MYO18B: variants seen among roughly 807,000 people sequenced by gnomAD.
MYO18B encodes myosin XVIIIB.
Under a neutral mutation model 273.0 loss-of-function variants are expected in MYO18B, and 204 were observed. The ratio of observed to expected loss-of-function variants is 0.75; its 90% CI spans 0.67 to 0.84. The LOEUF (loss-of-function observed/expected upper bound fraction) is 0.84, where lower values mean the gene tolerates loss of function less well. MYO18B is among the 40% of genes least tolerant of loss of function. The pLI, the probability that MYO18B is intolerant of heterozygous loss-of-function variation, is 0.00. For missense variants in MYO18B, 3,212 were observed against 3,287.6 expected (o/e 0.98, Z 0.56); for synonymous variants, 1,330 against 1,305.7 (o/e 1.02, Z -0.40).
the MYO18B span, among the ~76,000 whole-genome samples, chr22:26,050,066 A>C: frequency 8.4e-4 from 128 of 152,334 alleles, no homozygotes; most frequent in Non-Finnish European, 1.5e-3. Context: ...AGCACTATTT[A>C]TCTCTGGTAG....
intron 2 of MYO18B, among the ~76,000 whole-genome samples, chr22:25,761,347 C>T (rs112270883): frequency 1.3e-5 from 2 of 151,920 alleles, no homozygotes; most frequent in Non-Finnish European, 1.5e-5. Context: ...TTGACGCCCC[C>T]CCGAGGGCTG....
In MYO18B at chr22:25,784,801, C is replaced by T. The variant is rs2087309714; in HGVS notation, c.2313-627C>T. ...GGGTGGCCCATCTGCTGGTCTCACT[C>T]TCGAGGAACCTGCAGGTTGAACACG... On this transcript the variant is annotated intron_variant, in intron 10 of 43. Coordinates refer to ENST00000335473, the MANE Select transcript of MYO18B (RefSeq NM_032608.7). Among the ~76,000 whole-genome samples, 4 of 152,330 alleles carry T rather than the reference C, an allele frequency of 2.6e-5. No individual in the cohort carries two copies. In the South Asian group the frequency reaches 8.3e-4, roughly 32 times the overall value.
chr22:25,914,210 T>G (rs909126020), intron 33 of MYO18B, among the ~76,000 whole-genome samples: 1 of 152,208 alleles, frequency 6.6e-6, no homozygotes, highest in Non-Finnish European at 1.5e-5. Context: ...TAGGACAGCT[T>G]ACCTTGACTG....
intron 39 of MYO18B, among the ~76,000 whole-genome samples, chr22:25,989,767 CA>C (rs67095758): frequency 0.33 from 26,509 of 80,110 alleles, 2,507 homozygotes; most frequent in Non-Finnish European, 0.4. Flanking sequence ...GACTCCGTCT[CA>C]AAAAAAAAAA....
chr22:26,003,203 A>T, intron 40 of MYO18B, 62 bp from the exon 41 acceptor site: 2 of 1,446,120 alleles, frequency 1.4e-6, no homozygotes, highest in Non-Finnish European at 1.9e-6. Flanking sequence ...AACGTCAATA[A>T]CCATGCTTCC....
intron 38 of MYO18B, among the ~76,000 whole-genome samples, chr22:25,954,324 T>C (rs2092824096): frequency 6.6e-6 from 1 of 152,140 alleles, no homozygotes; most frequent in African/African-American, 2.4e-5. Context: ...AGAAATTATC[T>C]GAACACCCTC....
At chr22:25,866,056 G>A (rs1257678802) in intron 21 of MYO18B, among the ~76,000 whole-genome samples, 1 of 151,982 alleles carries the variant, frequency 6.6e-6, no homozygotes, top group Non-Finnish European at 1.5e-5. Flanking sequence ...TGCAGTCTGG[G>A]ACTAGACTAT....
intron 40 of MYO18B, among the ~76,000 whole-genome samples, chr22:25,999,791 G>A (rs1209587503): frequency 6.6e-6 from 1 of 151,826 alleles, no homozygotes; most frequent in African/African-American, 2.4e-5. Context: ...GAGTAGCTGG[G>A]ACTACAGGCA....
chr22:25,757,986 G>C (rs1397790323), intron 1 of MYO18B, among the ~76,000 whole-genome samples: 1 of 152,182 alleles, frequency 6.6e-6, no homozygotes, highest in Non-Finnish European at 1.5e-5. Flanking sequence ...TTGGAAAACA[G>C]TTGGAAAGTT....
chr22:25,816,015 A>G (rs1371181318), intron 12 of MYO18B, among the ~76,000 whole-genome samples: 1 of 152,224 alleles, frequency 6.6e-6, no homozygotes, highest in Non-Finnish European at 1.5e-5. Context: ...AAACCCAGTC[A>G]GGTGGAACAA....
At chr22:25,873,640 G>A (rs1469791646) in intron 22 of MYO18B, among the ~76,000 whole-genome samples, 2 of 152,002 alleles carry the variant, frequency 1.3e-5, no homozygotes, top group East Asian at 1.9e-4. Context: ...GAGTTTCTCC[G>A]TGTTGGTCAG....
At position 25,989,626 on chromosome 22, in the gene MYO18B, CAAAA is replaced by C. The variant is rs56004208; in HGVS notation, c.6157-2714_6157-2711del. Among the ~76,000 whole-genome samples, 548 of 88,566 alleles carry C rather than the reference CAAAA, an allele frequency of 6.2e-3. 6 individuals carry two copies. Among genetic ancestry groups the C allele is most frequent in the African/African-American group, 0.026 (525 of 19,970 alleles). 58.1% of individuals were successfully genotyped at this position (88,566 alleles called of 152,430 possible). ...TGAAACCCTGTCTCTACTAAAAATA[CAAAA>C]AAAAAAAAAAAAAAAAAAAAAAGCC... On this transcript the variant is annotated intron_variant, in intron 39 of 43. Transcript: ENST00000335473.
Position 25,921,366 on chromosome 22 carries a change from A to G in MYO18B, c.5474A>G (p.Lys1825Arg). 6.3e-7 allele frequency: 1 copy of G among 1,598,112 alleles called. No individual in the cohort carries two copies. ...QLLLGTMEDG[K>R]TSVSKEELEK... ...CTTCTGGGCACCATGGAGGATGGCA[A>G]GACATCAGTCAGCAAGGAGGAGCTG... Residue 1825 changes from lysine (K) to arginine (R), a missense_variant, in exon 34 of 44, where the codon AAG becomes AGG. Physicochemically the swap from Lys to Arg is conservative, Grantham distance 26. Coordinates refer to ENST00000335473, the MANE Select transcript of MYO18B (RefSeq NM_032608.7).
chr22:26,019,858 T>C (rs1044418420), intron 42 of MYO18B, among the ~76,000 whole-genome samples: 2 of 152,198 alleles, frequency 1.3e-5, no homozygotes, highest in Non-Finnish European at 2.9e-5. Context: ...TTATGTTTTG[T>C]TTGTTTTGCT....
intron 42 of MYO18B, among the ~76,000 whole-genome samples, chr22:26,015,837 C>T (rs1030487171): frequency 2.6e-5 from 4 of 152,140 alleles, no homozygotes; most frequent in African/African-American, 4.8e-5. Context: ...TAGGGAAACA[C>T]GAACTTTCAC....
At chr22:25,879,459 G>A (rs1255440946) in intron 25 of MYO18B, among the ~76,000 whole-genome samples, 1 of 152,180 alleles carries the variant, frequency 6.6e-6, no homozygotes, top group African/African-American at 2.4e-5. Context: ...CAAATTCAGA[G>A]TAGGGGTTAC....
In MYO18B at chr22:25,921,307, G is replaced by T. The variant is rs1269840244; in HGVS notation, c.5415G>T (p.Arg1805Ser). 1 of 1,562,020 alleles carries T rather than the reference G, an allele frequency of 6.4e-7. No homozygotes were observed. The highest frequency in any genetic ancestry group is 8.7e-7 in the Non-Finnish European group (1 of 1,152,854). The change falls in exon 34 of 44, where the codon AGG becomes AGT. Residue 1805 changes from arginine to serine, a missense_variant. Coordinates refer to ENST00000335473, the MANE Select transcript of MYO18B (RefSeq NM_032608.7). ...AGAAGCGACTTCGGAGAGACCTCAGGAGGACACATGCACTGTTGTCAGACG... is the reference window on the plus strand; with the variant it reads ...AGAAGCGACTTCGGAGAGACCTCAGTAGGACACATGCACTGTTGTCAGACG... ...DVEKRLRRDL[R>S]RTHALLSDVQ...
intron 21 of MYO18B, 114 bp from the exon 22 acceptor site, chr22:25,868,206 A>G: frequency 1.2e-6 from 1 of 844,330 alleles, no homozygotes; most frequent in Non-Finnish European, 1.9e-6. Flanking sequence ...AAGCTCACAG[A>G]CATGTGGGGT....
intron 25 of MYO18B, among the ~76,000 whole-genome samples, chr22:25,887,629 A>G (rs1249661075): frequency 6.6e-6 from 1 of 152,046 alleles, no homozygotes; most frequent in African/African-American, 2.4e-5. Context: ...ATTGGTTTTC[A>G]ATTTGCAATC....
Sources: gnomAD v4.1 joint callset for allele counts (sites outside exome capture counted in the v4.1 genomes callset) on GRCh38, gnomAD v4.1.1 for gene constraint, MANE v1.5 for transcripts, NCBI Gene and HGNC (gene_info 2026-07-23, HGNC 2026-07-21) for gene names.